OCRL: variants seen among roughly 807,000 people sequenced by gnomAD.
OCRL encodes inositol polyphosphate 5-phosphatase OCRL.
OCRL carries 8 observed loss-of-function variants against 78.9 expected under a neutral mutation model. The ratio of observed to expected loss-of-function variants is 0.10; its 90% confidence interval spans 0.06 to 0.18. OCRL has a LOEUF of 0.18. OCRL is among the 10% of genes least tolerant of loss of function. The pLI is 1.00. For missense variants in OCRL, 454 were observed against 696.7 expected, an observed-to-expected ratio of 0.65 and a Z score of 3.92; for synonymous variants, 240 against 235.4, an observed-to-expected ratio of 1.02 and a Z score of -0.18.
intron 16 of OCRL, 23 bp from the exon 17 acceptor site, chrX:129,575,874 T>C: frequency 3.3e-6 from 4 of 1,210,234 alleles, no homozygotes; most frequent in Non-Finnish European, 4.5e-6. Context: ...GATGCATGTT[T>C]GTGTCTGTCT....
At chrX:129,581,014 G>A (rs944107358) in intron 18 of OCRL, among the ~76,000 whole-genome samples, 9 of 111,472 alleles carry the variant, frequency 8.1e-5, no homozygotes, top group South Asian at 3.8e-4. Context: ...ACAGGCGCGC[G>A]CCACCACGCC....
At position 129,575,151 on chromosome X, in the gene OCRL, G is replaced by A. The variant is rs748308192; in HGVS notation, c.1614G>A (p.Val538=). The part of the protein sequence containing the change: ...SALFHIGVKV[V]DERRYRKVFE... ...ACATTTTCTTTCAGGTGAAGGTTGT[G>A]GATGAACGAAGGTACCGGAAAGTCT... The change falls in exon 16 of 24, where the codon GTG becomes GTA. Residue 538 remains valine (V), a synonymous_variant. Transcript: ENST00000371113. 6 of 1,198,227 alleles carry A rather than the reference G, an allele frequency of 5.0e-6. No homozygotes were observed. In the African/African-American group the frequency reaches 7.0e-5, roughly 14 times the overall value.
At chrX:129,554,487 C>T (rs1042181148) in intron 4 of OCRL, 2 of 111,330 alleles carry the variant, frequency 1.8e-5, no homozygotes, top group Non-Finnish European at 3.8e-5. Context: ...GAGGATGGTG[C>T]ATGATCTTGT....
chrX:129,559,660 G>A (rs1936118881), intron 8 of OCRL, among the ~76,000 whole-genome samples: 1 of 109,544 alleles, frequency 9.1e-6, no homozygotes, highest in Non-Finnish European at 1.9e-5. Context: ...TTTTTTTTCA[G>A]CCAATATTAG....
chrX:129,558,329 TTAAG>T (rs1344884146), intron 6 of OCRL, among the ~76,000 whole-genome samples: 4 of 112,226 alleles, frequency 3.6e-5, no homozygotes, highest in African/African-American at 1.3e-4. Flanking sequence ...TTTGTGATGA[TTAAG>T]TGAGATCATG....
intron 4 of OCRL, among the ~76,000 whole-genome samples, chrX:129,551,714 G>A (rs752560980): frequency 1.8e-5 from 2 of 112,672 alleles, no homozygotes; most frequent in Admixed American, 9.4e-5. Context: ...GATTACAGGC[G>A]TGAGCCACCG....
rs6529391 is a variant in OCRL, at chrX:129,591,880, A to G, written c.*1610A>G. On this transcript the variant is annotated 3_prime_UTR_variant, in exon 24 of 24. Coordinates refer to ENST00000371113, the MANE Select transcript of OCRL (RefSeq NM_000276.4). ...TGAACTTAGTTAATGGAAGACTGAG[A>G]GCAGAACAGGTTTGTCATCTCCGCA... 12,680 of 112,866 alleles carry G rather than the reference A, an allele frequency of 0.11. 1,408 individuals are homozygous for G. Among genetic ancestry groups the G allele is most frequent in the East Asian group, 0.68 (2,353 of 3,445 alleles). The allele number at this position is 112,866 out of a possible 1,213,427, so 9.3% of individuals were successfully genotyped here.
rs774144821 is a variant in OCRL, at chrX:129,576,486, C to T, written c.2049C>T (p.Ser683=). 5.0e-6 allele frequency: 6 copies of T among 1,209,930 alleles called. No homozygotes were observed. The highest frequency in any genetic ancestry group is 3.0e-5 in the East Asian group (1 of 33,792). Residue 683 remains serine, a synonymous_variant, in exon 18 of 24, where the codon TCC becomes TCT. Coordinates refer to ENST00000371113, the MANE Select transcript of OCRL (RefSeq NM_000276.4). ...ACCTCCCAAGTTGTTTTGGCACATC[C>T]TTAGAGGCTCTGTGCCGTATGAAAA... ...GNYLPSCFGT[S]LEALCRMKRP... is the part of the protein sequence containing the mutation.
rs780631050 is a variant in OCRL, at chrX:129,569,313, A to G, written c.1516A>G (p.Thr506Ala). 2.5e-6 allele frequency: 3 copies of G among 1,209,711 alleles called. No individual in the cohort carries two copies. The African/African-American group carries it at 5.2e-5, about 21-fold the overall frequency. ...AWCDRILWRG[T>A]NVNQLNYRSH... ...GTGTGACCGAATTCTTTGGAGAGGA[A>G]CAAATGTTAATCAGCTTAATTATCG... is the stretch of plus-strand genomic sequence containing the variant. Residue 506 changes from threonine to alanine, a missense_variant, in exon 15 of 24, where the codon ACA becomes GCA. Thr to Ala is a moderately conservative substitution (Grantham distance 58). Transcript: ENST00000371113.
In OCRL at chrX:129,550,402, C is replaced by A. The variant is rs1935942688; in HGVS notation, c.238+1801C>A. 2.7e-5 allele frequency among the ~76,000 whole-genome samples: 3 copies of A among 111,573 alleles called. No homozygotes were observed. In the Admixed American group the frequency reaches 2.9e-4, roughly 11 times the overall value. ...ACTTTATAATATGCTTTTTAAAAAC[C>A]AAATATTTCACCATAGGTCTGTGCC... On this transcript the variant is annotated intron_variant, in intron 4 of 23. Transcript: ENST00000371113.
chrX:129,577,222 T>G lies in OCRL; in HGVS notation c.2115+670T>G, dbSNP rs144847564. On this transcript the variant is annotated intron_variant, in intron 18 of 23. Coordinates refer to ENST00000371113, the MANE Select transcript of OCRL (RefSeq NM_000276.4). ...ATCTGCATTTTATCCGCATTCCAGA[T>G]GCTTATAATGTACATTGAAATTTGA... Among the ~76,000 whole-genome samples the G allele has an allele frequency of 1.3e-4, 14 of 111,180 alleles. No individual in the cohort carries two copies. In the East Asian group the frequency reaches 3.9e-3, roughly 31 times the overall value.
chrX:129,573,371 C>T (rs1487208780), intron 15 of OCRL, among the ~76,000 whole-genome samples: 2 of 111,188 alleles, frequency 1.8e-5, no homozygotes, highest in East Asian at 5.6e-4. Flanking sequence ...CCTTAATGCT[C>T]TCCTTCCCCT....
At chrX:129,588,847 T>C in intron 21 of OCRL, 39 bp from the exon 22 acceptor site, 1 of 1,209,333 alleles carries the variant, frequency 8.3e-7, no homozygotes, top group Non-Finnish European at 1.1e-6. Context: ...GTGTGGCCTT[T>C]CTCCTGGAGC....
At chrX:129,567,489 C>T in intron 14 of OCRL, 126 bp downstream of exon 14, 1 of 486,682 alleles carries the variant, frequency 2.1e-6, no homozygotes. Context: ...CCTAATGGCT[C>T]AGTGCCTCAG....
At chrX:129,577,587 G>A (rs1394496688) in intron 18 of OCRL, among the ~76,000 whole-genome samples, 1 of 111,641 alleles carries the variant, frequency 9.0e-6, no homozygotes, top group Non-Finnish European at 1.9e-5. Flanking sequence ...TAGCAGGGAG[G>A]TCTAGACCAG....
intron 3 of OCRL, among the ~76,000 whole-genome samples, chrX:129,546,692 C>G (rs1215973894): frequency 9.0e-6 from 1 of 111,700 alleles, no homozygotes; most frequent in African/African-American, 3.3e-5. Context: ...AAGAACATGA[C>G]TTTAAATTAA....
intron 18 of OCRL, among the ~76,000 whole-genome samples, chrX:129,581,725 C>CTGTG (rs35415909): frequency 0.06 from 5,495 of 92,206 alleles, 425 homozygotes; most frequent in East Asian, 0.44. Flanking sequence ...ATACACACAC[C>CTGTG]TGTGTGTGTG....
intron 12 of OCRL, among the ~76,000 whole-genome samples, chrX:129,563,684 T>C (rs1936174888): frequency 9.0e-6 from 1 of 111,683 alleles, no homozygotes; most frequent in African/African-American, 3.3e-5. Flanking sequence ...TTAATAAGCA[T>C]AGAAGCAGAG....
chrX:129,569,542 T>C lies in OCRL; in HGVS notation c.1602+143T>C, dbSNP rs1936269961. On this transcript the variant is annotated intron_variant, in intron 15 of 23. Transcript: ENST00000371113. ...ACCATTTGCAGCATTGAGAGGTTAGTGCCCCCAACCCTCCCAAATGCTGTC... is the reference window on the plus strand; with the variant it reads ...ACCATTTGCAGCATTGAGAGGTTAGCGCCCCCAACCCTCCCAAATGCTGTC... 5 of 649,540 alleles carry C rather than the reference T, an allele frequency of 7.7e-6. No homozygotes were observed. In the South Asian group the frequency reaches 1.2e-4, roughly 16 times the overall value. 53.5% of individuals were successfully genotyped at this position (649,540 alleles called of 1,213,427 possible).
Sources: gnomAD v4.1 joint callset for allele counts (sites outside exome capture counted in the v4.1 genomes callset) on GRCh38, gnomAD v4.1.1 for gene constraint, MANE v1.5 for transcripts, NCBI Gene and HGNC (gene_info 2026-07-23, HGNC 2026-07-21) for gene names.